The following PPP2R3A variants were observed in gnomAD, a reference collection of about 807,000 sequenced individuals.
The protein encoded by PPP2R3A is protein phosphatase 2 regulatory subunit B''alpha.
A neutral mutation model predicts 106.9 loss-of-function variants in PPP2R3A; 80 were observed. The ratio of observed to expected loss-of-function variants is 0.75; its 90% CI spans 0.62 to 0.90. The LOEUF (loss-of-function observed/expected upper bound fraction) is 0.90. PPP2R3A is among the 40% of genes least tolerant of loss of function. The pLI is 0.00. For missense variants in PPP2R3A, 1,386 were observed against 1,350.4 expected (o/e 1.03, Z -0.41); for synonymous variants, 483 against 468.3 (o/e 1.03, Z -0.41).
At chr3:136,060,871 T>C (rs1417623826) in intron 5 of PPP2R3A, among the ~76,000 whole-genome samples, 1 of 152,202 alleles carries the variant, frequency 6.6e-6, no homozygotes, top group East Asian at 1.9e-4. Context: ...TCTTGAAAAT[T>C]GCTAAGACAG....
At chr3:136,105,586 T>A (rs1356848263) in intron 12 of PPP2R3A, among the ~76,000 whole-genome samples, 3 of 151,704 alleles carry the variant, frequency 2.0e-5, no homozygotes, top group African/African-American at 7.3e-5. Flanking sequence ...GAGCCCAGAT[T>A]CTGAGGTTAG....
chr3:135,989,783 G>A (rs1461510198), intron 1 of PPP2R3A, among the ~76,000 whole-genome samples: 1 of 151,918 alleles, frequency 6.6e-6, no homozygotes, highest in Non-Finnish European at 1.5e-5. Context: ...TCTATAAGTT[G>A]TATACTATAG....
At chr3:136,052,116 C>T (rs1935705804) in intron 5 of PPP2R3A, among the ~76,000 whole-genome samples, 1 of 152,154 alleles carries the variant, frequency 6.6e-6, no homozygotes, top group Admixed American at 6.5e-5. Context: ...AATCTCAAAT[C>T]TTCAATATTT....
chr3:136,044,392 T>G (rs1935399083), intron 4 of PPP2R3A, among the ~76,000 whole-genome samples: 1 of 151,948 alleles, frequency 6.6e-6, no homozygotes, highest in South Asian at 2.1e-4. Context: ...TAAGACAGTT[T>G]TATACCCTGT....
intron 3 of PPP2R3A, among the ~76,000 whole-genome samples, chr3:136,040,631 A>G (rs927922842): frequency 5.3e-5 from 8 of 152,180 alleles, no homozygotes; most frequent in African/African-American, 1.9e-4. Flanking sequence ...GAGAAAACAT[A>G]AATGAATTTC....
rs67116006 is a variant in PPP2R3A, at chr3:136,041,238, G to GTTTTTTTTTT, written c.2366+278_2366+287dup. 5.8e-4 allele frequency among the ~76,000 whole-genome samples: 54 copies of GTTTTTTTTTT among 92,838 alleles called. 1 individual carries two copies. The highest frequency in any genetic ancestry group is 1.4e-3 in the African/African-American group (30 of 22,168). The allele number at this position is 92,838 out of a possible 152,430, so 60.9% of individuals were successfully genotyped here. ...TTATTAGTTTTACTTGGTTTTTCTT[G>GTTTTTTTTTT]TTTTTTTTTTTGTTTTTTTTTTTGT... On this transcript the variant is annotated intron_variant, in intron 4 of 13. Coordinates refer to ENST00000264977, the MANE Select transcript of PPP2R3A (RefSeq NM_002718.5).
intron 8 of PPP2R3A, among the ~76,000 whole-genome samples, chr3:136,085,396 AC>A: frequency 6.6e-6 from 1 of 151,738 alleles, no homozygotes; most frequent in Non-Finnish European, 1.5e-5. Flanking sequence ...AGTCCATTAA[AC>A]CTCTTTCCTT....
At chr3:136,107,431 C>CTTTTTTTTTTTTTTTTTTTTTTTTTTTT (rs11324496) in intron 13 of PPP2R3A, among the ~76,000 whole-genome samples, 1 of 71,422 alleles carries the variant, frequency 1.4e-5, no homozygotes, top group Non-Finnish European at 2.5e-5. Flanking sequence ...TACATGAATT[C>CTTTTTTTTTTTTTTTTTTTTTTTTTTTT]TTTTTTTTTT....
chr3:136,134,460 T>C (rs1046283970), intron 13 of PPP2R3A, among the ~76,000 whole-genome samples: 18 of 152,224 alleles, frequency 1.2e-4, no homozygotes, highest in African/African-American at 4.3e-4. Flanking sequence ...ATGTTCAATA[T>C]AGAATGGTTA....
At chr3:136,037,947 AAAAAAC>A (rs1185097888) in intron 3 of PPP2R3A, among the ~76,000 whole-genome samples, 3 of 152,078 alleles carry the variant, frequency 2.0e-5, no homozygotes, top group Non-Finnish European at 4.4e-5. Context: ...TTTGTAAAAA[AAAAAAC>A]AAAAACAAAA....
intron 13 of PPP2R3A, among the ~76,000 whole-genome samples, chr3:136,124,542 G>A (rs1167243570): frequency 6.6e-6 from 1 of 151,842 alleles, no homozygotes; most frequent in African/African-American, 2.4e-5. Flanking sequence ...TGCTTAGAGG[G>A]ACAGTTATCA....
chr3:136,008,602 A>G (rs569693537), intron 2 of PPP2R3A, among the ~76,000 whole-genome samples: 19 of 152,320 alleles, frequency 1.2e-4, no homozygotes, highest in Admixed American at 8.5e-4. Flanking sequence ...GGTCAAGATA[A>G]AGTTAAAAAT....
chr3:136,101,524 A>C (rs540312468), intron 10 of PPP2R3A, among the ~76,000 whole-genome samples: 17 of 152,300 alleles, frequency 1.1e-4, no homozygotes, highest in Admixed American at 2.0e-4. Context: ...TCCCAGGTTC[A>C]AACAATCCTC....
intron 5 of PPP2R3A, among the ~76,000 whole-genome samples, chr3:136,058,066 G>A (rs1301573349): frequency 6.6e-6 from 1 of 152,074 alleles, no homozygotes; most frequent in Non-Finnish European, 1.5e-5. Flanking sequence ...GTGAATGGAG[G>A]CATAACAAAA....
intron 7 of PPP2R3A, among the ~76,000 whole-genome samples, chr3:136,081,336 T>C (rs1187945202): frequency 6.6e-6 from 1 of 152,156 alleles, no homozygotes; most frequent in Non-Finnish European, 1.5e-5. Flanking sequence ...TTGATACCTG[T>C]TTATTTTTGT....
intron 5 of PPP2R3A, among the ~76,000 whole-genome samples, chr3:136,067,990 G>A (rs191773880): frequency 6.6e-5 from 10 of 152,294 alleles, no homozygotes; most frequent in East Asian, 3.9e-4. Flanking sequence ...TTTGGGAGGC[G>A]AAGGCAGGCA....
intron 12 of PPP2R3A, among the ~76,000 whole-genome samples, chr3:136,105,777 C>A (rs779974279): frequency 5.3e-5 from 8 of 152,148 alleles, no homozygotes; most frequent in Admixed American, 3.3e-4. Context: ...GCCTGGCCAA[C>A]ATGGCGAAAC....
At chr3:135,998,187 T>C (rs1326786325) in intron 1 of PPP2R3A, among the ~76,000 whole-genome samples, 1 of 152,204 alleles carries the variant, frequency 6.6e-6, no homozygotes, top group Non-Finnish European at 1.5e-5. Flanking sequence ...CCTCTCTGCC[T>C]TCACATATGT....
At chr3:136,027,378 G>T (rs1478694351) in intron 3 of PPP2R3A, among the ~76,000 whole-genome samples, 1 of 152,036 alleles carries the variant, frequency 6.6e-6, no homozygotes, top group East Asian at 1.9e-4. Flanking sequence ...CTGGCCTATT[G>T]TCAAATACTT....
Sources: allele counts gnomAD v4.1 joint callset (sites outside exome capture counted in the v4.1 genomes callset), GRCh38; gene constraint gnomAD v4.1.1; transcripts MANE v1.5; gene names NCBI Gene and HGNC (gene_info 2026-07-23, HGNC 2026-07-21).